The following REEP5 variants were observed in gnomAD, a reference collection of about 807,000 sequenced individuals.
The protein encoded by REEP5 is receptor expression-enhancing protein 5.
Under a neutral mutation model 22.4 loss-of-function variants are expected in REEP5, and 24 were observed. The observed-to-expected ratio is 1.07, with a 90% CI of 0.78 to 1.51. REEP5 has a LOEUF of 1.51. REEP5 is among the 40% of genes most tolerant of loss of function. The pLI is 0.00. For synonymous variants in REEP5, 103 were observed against 88.6 expected (o/e 1.16, Z -0.92); for missense variants, 252 against 233.0 (o/e 1.08, Z -0.53).
chr5:112,902,522 A>C lies in REEP5; in HGVS notation c.213-4T>G. ...GGGACTCTCTATAGCTTTAATTCTGAAAGGCAGTACAAAAGAAAGTATATC... is the reference window on the plus strand; with the variant it reads ...GGGACTCTCTATAGCTTTAATTCTGCAAGGCAGTACAAAAGAAAGTATATC... On this transcript the variant is annotated splice_region_variant and splice_polypyrimidine_tract_variant and intron_variant, in intron 2 of 4. Transcript: ENST00000379638. 1 of 1,578,526 alleles carries C rather than the reference A, an allele frequency of 6.3e-7. No homozygotes were observed. Among genetic ancestry groups the C allele is most frequent in the Non-Finnish European group, 8.6e-7 (1 of 1,167,960 alleles).
In REEP5 at chr5:112,913,192, G is replaced by A. The variant is rs563950289; in HGVS notation, c.212+7971C>T. On this transcript the variant is annotated intron_variant, in intron 2 of 4. Transcript: ENST00000379638. ...TGCCTGTAATCCCAGCTACTTGGGA[G>A]GCTGAGGCAGGAGAATCGCTTGAAC... is the stretch of plus-strand genomic sequence containing the variant. 2.0e-5 allele frequency among the ~76,000 whole-genome samples: 3 copies of A among 152,262 alleles called. No individual in the cohort carries two copies. In the East Asian group the frequency reaches 5.8e-4, roughly 29 times the overall value.
chr5:112,901,237 C>T (rs958071021), intron 3 of REEP5, among the ~76,000 whole-genome samples: 5 of 151,854 alleles, frequency 3.3e-5, no homozygotes, highest in Non-Finnish European at 5.9e-5. Flanking sequence ...AACTGGGGAG[C>T]GGTAACCATA....
rs527421336 is a variant in REEP5 at position 112,878,447 on chromosome 5, G to A, written c.*339C>T. On this transcript the variant is annotated 3_prime_UTR_variant, in exon 5 of 5. Transcript: ENST00000379638. ...CTAAATGTAACTACAGAGAAAATGC[G>A]TGCAGGGAGAGCCCAGTAAAGTACA... is the stretch of plus-strand genomic sequence containing the variant. 5 of 251,020 alleles carry A rather than the reference G, an allele frequency of 2.0e-5. No individual in the cohort carries two copies. Among genetic ancestry groups the A allele is most frequent in the Admixed American group, 4.9e-5 (1 of 20,206 alleles). The allele number at this position is 251,020 out of a possible 1,614,324, so 15.5% of individuals were successfully genotyped here. A position where few individuals can be genotyped will look rare whatever the true frequency, so the allele number is the denominator to read the frequency against.
intron 4 of REEP5, among the ~76,000 whole-genome samples, chr5:112,884,214 G>A (rs1402928780): frequency 1.3e-5 from 2 of 152,002 alleles, no homozygotes; most frequent in East Asian, 1.9e-4. Context: ...CTTTACAATG[G>A]CCTATAAGGC....
intron 3 of REEP5, chr5:112,896,822 T>C (rs1027577926): frequency 2.0e-5 from 3 of 151,970 alleles, no homozygotes; most frequent in Non-Finnish European, 4.4e-5. Context: ...TCCCAGCTAC[T>C]CGGGAGGCTG....
chr5:112,915,491 T>C (rs1336757839), intron 2 of REEP5, among the ~76,000 whole-genome samples: 1 of 152,094 alleles, frequency 6.6e-6, no homozygotes, highest in East Asian at 1.9e-4. Context: ...CTTAAAAGAG[T>C]CCAGCACTCT....
At chr5:112,915,855 A>C (rs1043895677) in intron 2 of REEP5, among the ~76,000 whole-genome samples, 2 of 151,076 alleles carry the variant, frequency 1.3e-5, no homozygotes, top group African/African-American at 4.9e-5. Flanking sequence ...TCATGAGTAA[A>C]AAAGAACAAA....
chr5:112,884,049 C>T (rs539132045), intron 4 of REEP5, among the ~76,000 whole-genome samples: 32 of 152,324 alleles, frequency 2.1e-4, no homozygotes, highest in African/African-American at 7.5e-4. Flanking sequence ...CTGCAAGAAC[C>T]TTTTAACTGT....
intron 2 of REEP5, among the ~76,000 whole-genome samples, chr5:112,908,765 C>G (rs1769025842): frequency 6.6e-6 from 1 of 151,864 alleles, no homozygotes; most frequent in Non-Finnish European, 1.5e-5. Context: ...CCTTGTTAGC[C>G]AGGATTGTCT....
rs183313500 is a variant in REEP5, at chr5:112,889,485, T to G, written c.352-2302A>C. On this transcript the variant is annotated intron_variant, in intron 3 of 4. Transcript: ENST00000379638. Reference sequence around the variant, plus strand: ...GAAGGAAAGCAATTCACCAAGAATATTAAAATTCCTGAACTTGTATATACC... The same window carrying G: ...GAAGGAAAGCAATTCACCAAGAATAGTAAAATTCCTGAACTTGTATATACC... Among the ~76,000 whole-genome samples, 13 of 150,964 alleles carry G rather than the reference T, an allele frequency of 8.6e-5. No individual in the cohort carries two copies. The East Asian group carries it at 2.6e-3, about 30-fold the overall frequency.
At position 112,921,151 on chromosome 5, in the gene REEP5, T is replaced by C. The variant is rs775908062; in HGVS notation, c.212+12A>G. 6.2e-7 allele frequency: 1 copy of C among 1,613,178 alleles called. No individual in the cohort carries two copies. The highest frequency in any genetic ancestry group is 2.2e-5 in the East Asian group (1 of 44,852). The stretch of plus-strand genomic sequence containing the variant: ...GGAAGGGAAGGGGACGGCTGCAGGG[T>C]GTGTCACTTACGAGATGTAGGCTGG... On this transcript the variant is annotated intron_variant, in intron 2 of 4. Coordinates refer to ENST00000379638, the MANE Select transcript of REEP5 (RefSeq NM_005669.5).
At chr5:112,921,501 CT>C in intron 1 of REEP5, 1 of 555,156 alleles carries the variant, frequency 1.8e-6, no homozygotes, top group South Asian at 2.0e-5. Flanking sequence ...GGCCCCGGCG[CT>C]TTGCGCAGCA....
intron 2 of REEP5, among the ~76,000 whole-genome samples, chr5:112,918,171 T>C (rs1261289477): frequency 1.3e-5 from 2 of 152,110 alleles, no homozygotes; most frequent in African/African-American, 4.8e-5. Flanking sequence ...GGCCAAAAAT[T>C]CTAGAAACTA....
At chr5:112,893,817 G>C (rs2150040878) in intron 3 of REEP5, 1 of 152,396 alleles carries the variant, frequency 6.6e-6, no homozygotes, top group South Asian at 2.1e-4. Context: ...GGTACCCTCA[G>C]TATGTGCAAG....
intron 2 of REEP5, among the ~76,000 whole-genome samples, chr5:112,909,144 G>C (rs549208905): frequency 6.7e-6 from 1 of 150,222 alleles, no homozygotes; most frequent in Non-Finnish European, 1.5e-5. Flanking sequence ...ACCACCCTTA[G>C]TTTGTAGCTC....
intron 2 of REEP5, among the ~76,000 whole-genome samples, chr5:112,920,169 G>A (rs1255109137): frequency 6.6e-6 from 1 of 152,158 alleles, no homozygotes. Context: ...CAACTACTAG[G>A]TAACTGCAAT....
chr5:112,891,831 A>C (rs1264551094), intron 3 of REEP5: 1 of 1,571,172 alleles, frequency 6.4e-7, no homozygotes. Flanking sequence ...AACAACTAGA[A>C]GAAGAGAAGC....
intron 3 of REEP5, among the ~76,000 whole-genome samples, chr5:112,887,392 TA>T (rs1164912994): frequency 6.6e-6 from 1 of 152,188 alleles, no homozygotes; most frequent in Non-Finnish European, 1.5e-5. Flanking sequence ...AAGCTGAGAC[TA>T]AAAAACAAAA....
At chr5:112,892,990 C>T (rs757652763) in intron 3 of REEP5, 19 of 1,580,932 alleles carry the variant, frequency 1.2e-5, no homozygotes, top group African/African-American at 6.8e-5. Flanking sequence ...CCACCGCAGC[C>T]GGAGCCAAAG....
Sources: allele counts gnomAD v4.1 joint callset (sites outside exome capture counted in the v4.1 genomes callset), GRCh38; gene constraint gnomAD v4.1.1; transcripts MANE v1.5; gene names NCBI Gene and HGNC (gene_info 2026-07-23, HGNC 2026-07-21).